Variants in SRBD1 observed in about 807,000 individuals in gnomAD.
SRBD1 encodes the protein S1 RNA binding domain 1.
SRBD1 carries 88 observed loss-of-function variants against 115.3 expected under a neutral mutation model. The ratio of observed to expected loss-of-function variants is 0.76; its 90% CI spans 0.64 to 0.91. SRBD1 has a LOEUF of 0.91. Among genes scored for constraint, SRBD1 ranks in the 40% least tolerant of loss-of-function variants. The pLI is 0.00. For synonymous variants in SRBD1, 509 were observed against 407.7 expected, an observed-to-expected ratio of 1.25 and a Z score of -2.99; for missense variants, 1,385 against 1,177.4, an observed-to-expected ratio of 1.18 and a Z score of -2.58.
intron 14 of SRBD1, among the ~76,000 whole-genome samples, chr2:45,521,794 C>G (rs1671292506): frequency 1.3e-5 from 2 of 151,986 alleles, no homozygotes; most frequent in Admixed American, 1.3e-4. Context: ...TGGTGAAACC[C>G]TGTCTCCACA....
At chr2:45,482,648 AC>A (rs1301692169) in intron 15 of SRBD1, among the ~76,000 whole-genome samples, 1 of 148,780 alleles carries the variant, frequency 6.7e-6, no homozygotes, top group African/African-American at 2.5e-5. Flanking sequence ...ACACACACAA[AC>A]CCATGAATAA....
chr2:45,572,380 C>A (rs1673046805), intron 9 of SRBD1, among the ~76,000 whole-genome samples: 2 of 152,082 alleles, frequency 1.3e-5, no homozygotes, highest in South Asian at 4.1e-4. Flanking sequence ...AACAATATGA[C>A]TATGCTTCCC....
chr2:45,530,002 A>G (rs1312501150), intron 14 of SRBD1, among the ~76,000 whole-genome samples: 1 of 152,066 alleles, frequency 6.6e-6, no homozygotes, highest in Non-Finnish European at 1.5e-5. Context: ...AATGGCAATG[A>G]TGGCAGCAGC....
Position 45,506,473 on chromosome 2 carries a change from C to G in SRBD1, c.1875-18142G>C, listed in dbSNP as rs572892064. 2.0e-5 allele frequency among the ~76,000 whole-genome samples: 3 copies of G among 152,288 alleles called. No homozygotes were observed. In the South Asian group the frequency reaches 6.2e-4, roughly 32 times the overall value. Reference sequence around the variant, plus strand: ...CAGGTATGATCTTCTAATTCTCTCACAGAGAAGCTGGAGTTTCCTCCAGCT... The same window carrying G: ...CAGGTATGATCTTCTAATTCTCTCAGAGAGAAGCTGGAGTTTCCTCCAGCT... On this transcript the variant is annotated intron_variant, in intron 14 of 20. Transcript: ENST00000263736.
At chr2:45,515,767 C>T (rs1671099867) in intron 14 of SRBD1, among the ~76,000 whole-genome samples, 1 of 152,112 alleles carries the variant, frequency 6.6e-6, no homozygotes, top group South Asian at 2.1e-4. Context: ...AAATCAGCAG[C>T]CAAGAAAGAC....
At position 45,497,732 on chromosome 2, in the gene SRBD1, A is replaced by T. The variant is rs1010012295; in HGVS notation, c.1875-9401T>A. ...CATCACCAAAATTCAATTTCATATA[A>T]TTTTTTTTTTTAAGAAACTGCCAGC... On this transcript the variant is annotated intron_variant, in intron 14 of 20. Transcript: ENST00000263736. Among the ~76,000 whole-genome samples, 120 of 150,306 alleles carry T rather than the reference A, an allele frequency of 8.0e-4. 3 individuals carry two copies. In the South Asian group the frequency reaches 0.014, roughly 17 times the overall value.
chr2:45,431,385 C>A lies in SRBD1; in HGVS notation c.2050-11491G>T, dbSNP rs556731020. On this transcript the variant is annotated intron_variant, in intron 16 of 20. Transcript: ENST00000263736. Reference sequence around the variant, plus strand: ...CACAATAGCAAAGACTTGGAACCAACCCAAATGCCCATCAATGATAGACTG... The same window carrying A: ...CACAATAGCAAAGACTTGGAACCAAACCAAATGCCCATCAATGATAGACTG... Among the ~76,000 whole-genome samples the A allele has an allele frequency of 4.6e-4, 70 of 152,280 alleles. No individual in the cohort carries two copies. The East Asian group carries it at 0.011, about 24-fold the overall frequency.
intron 12 of SRBD1, among the ~76,000 whole-genome samples, chr2:45,548,091 T>C (rs1051794461): frequency 1.3e-4 from 19 of 151,302 alleles, no homozygotes; most frequent in African/African-American, 4.6e-4. Context: ...AAATTTAAAA[T>C]AATTAAAATT....
intron 14 of SRBD1, among the ~76,000 whole-genome samples, chr2:45,519,954 T>G (rs1348318565): frequency 6.6e-6 from 1 of 152,156 alleles, no homozygotes; most frequent in Non-Finnish European, 1.5e-5. Flanking sequence ...CTAATAAGTA[T>G]TGGAATTATG....
intron 4 of SRBD1, among the ~76,000 whole-genome samples, chr2:45,594,356 C>T (rs980603651): frequency 1.3e-5 from 2 of 152,198 alleles, no homozygotes; most frequent in African/African-American, 4.8e-5. Flanking sequence ...AGATATTACA[C>T]ATGGCTGCTC....
At chr2:45,556,917 T>G (rs1672496659) in intron 10 of SRBD1, among the ~76,000 whole-genome samples, 1 of 152,128 alleles carries the variant, frequency 6.6e-6, no homozygotes, top group African/African-American at 2.4e-5. Flanking sequence ...TATGTAAGTT[T>G]TTGCTGCTGC....
At chr2:45,586,586 C>G (rs1255573789) in intron 4 of SRBD1, among the ~76,000 whole-genome samples, 1 of 151,876 alleles carries the variant, frequency 6.6e-6, no homozygotes, top group East Asian at 1.9e-4. Flanking sequence ...CGCTCTTTCA[C>G]CCAGGCTGGA....
In SRBD1 at chr2:45,593,884, G is replaced by A. The variant is rs1248290109; in HGVS notation, c.648+5565C>T. Among the ~76,000 whole-genome samples, 5 of 152,176 alleles carry A rather than the reference G, an allele frequency of 3.3e-5. No individual in the cohort carries two copies. In the East Asian group the frequency reaches 9.6e-4, roughly 29 times the overall value. ...AGAAGAGTGGTTGTATGAGACAGAA[G>A]GAGGAATTGGAAAATAGTATAAAGG... On this transcript the variant is annotated intron_variant, in intron 4 of 20. Coordinates refer to ENST00000263736, the MANE Select transcript of SRBD1 (RefSeq NM_018079.5).
intron 5 of SRBD1, among the ~76,000 whole-genome samples, chr2:45,582,563 A>G (rs1305879569): frequency 1.3e-5 from 2 of 152,160 alleles, no homozygotes; most frequent in Admixed American, 1.3e-4. Flanking sequence ...TCACTGATTT[A>G]TTTATATCAC....
chr2:45,528,994 A>G (rs1158766637), intron 14 of SRBD1, among the ~76,000 whole-genome samples: 1 of 151,966 alleles, frequency 6.6e-6, no homozygotes, highest in African/African-American at 2.4e-5. Context: ...AGTGCTCAAA[A>G]AATGTGTTGT....
chr2:45,411,737 G>T (rs1244626431), intron 19 of SRBD1, among the ~76,000 whole-genome samples: 3 of 152,176 alleles, frequency 2.0e-5, no homozygotes, highest in Non-Finnish European at 4.4e-5. Context: ...TTATCAAATT[G>T]TAGTTAATTA....
chr2:45,576,397 G>A (rs1228795440), intron 7 of SRBD1, among the ~76,000 whole-genome samples: 1 of 149,796 alleles, frequency 6.7e-6, no homozygotes, highest in Non-Finnish European at 1.5e-5. Context: ...AAAGTCAAAA[G>A]TTATACCTAA....
At chr2:45,496,253 T>C (rs1038932348) in intron 14 of SRBD1, among the ~76,000 whole-genome samples, 28 of 152,334 alleles carry the variant, frequency 1.8e-4, no homozygotes, top group African/African-American at 6.5e-4. Context: ...CAGATTGCTA[T>C]GGCATAGATT....
intron 10 of SRBD1, among the ~76,000 whole-genome samples, chr2:45,558,574 T>C (rs1182522717): frequency 6.6e-6 from 1 of 152,208 alleles, no homozygotes; most frequent in Non-Finnish European, 1.5e-5. Flanking sequence ...TTAACTTATG[T>C]AATGACAAGA....
Sources: gnomAD v4.1 joint callset for allele counts (sites outside exome capture counted in the v4.1 genomes callset) on GRCh38, gnomAD v4.1.1 for gene constraint, MANE v1.5 for transcripts, NCBI Gene and HGNC (gene_info 2026-07-23, HGNC 2026-07-21) for gene names.